The following TMIE variants were observed in gnomAD, a reference collection of about 807,000 sequenced individuals.
The protein encoded by TMIE is transmembrane inner ear, also known as transmembrane inner ear expressed protein.
Under a neutral mutation model 16.8 loss-of-function variants are expected in TMIE, and 14 were observed. The ratio of observed to expected loss-of-function variants is 0.83; its 90% CI spans 0.55 to 1.30. The LOEUF (loss-of-function observed/expected upper bound fraction) is 1.30. Ranked by LOEUF, TMIE falls within the 50% of genes most tolerant of loss-of-function variation. The pLI is 0.00. For missense variants in TMIE, 204 were observed against 205.9 expected (o/e 0.99, Z 0.06); for synonymous variants, 75 against 87.2 (o/e 0.86, Z 0.78).
chr3:46,699,057 CTTATTTTTT>C (rs1700439357), upstream of TMIE, among the ~76,000 whole-genome samples: 4 of 65,286 alleles, frequency 6.1e-5, no homozygotes, highest in Non-Finnish European at 9.8e-5. Flanking sequence ...AATGGTGTTT[CTTATTTTTT>C]TTTTTTTTTT....
At position 46,701,634 on chromosome 3, in the gene TMIE, C is replaced by A; in HGVS notation, c.93+54C>A. 8.1e-7 allele frequency: 1 copy of A among 1,237,562 alleles called. No individual in the cohort carries two copies. Among genetic ancestry groups the A allele is most frequent in the East Asian group, 3.2e-5 (1 of 31,564 alleles). 76.7% of individuals were successfully genotyped at this position (1,237,562 alleles called of 1,614,324 possible). ...AGGCTGTCACCCTCCAGGCAGGGGG[C>A]TGGGGGAGAGGGGACGCCTTTTTGA... On this transcript the variant is annotated intron_variant, in intron 1 of 3. Transcript: ENST00000643606. This position sits in a 1 kb window ranked among gnomAD's most constrained non-coding sequence, Gnocchi z 4.3.
intron 1 of TMIE, among the ~76,000 whole-genome samples, chr3:46,703,924 A>G (rs1386625012): frequency 6.6e-6 from 1 of 152,170 alleles, no homozygotes; most frequent in Non-Finnish European, 1.5e-5. Flanking sequence ...ATCAGTGCAC[A>G]ACATCTCGCT....
In TMIE at chr3:46,701,545, G is replaced by C. The variant is rs946521528; in HGVS notation, c.58G>C (p.Val20Leu). The change falls in exon 1 of 4, where the codon GTG becomes CTG. Residue 20 changes from valine (V) to leucine (L), a missense_variant. Transcript: ENST00000643606. This position sits in a 1 kb window ranked among gnomAD's most constrained non-coding sequence, Gnocchi z 4.3. ...LCVLGGAALG[V>L]CLAGVAGQLV... is the part of the protein sequence containing the mutation. The stretch of plus-strand genomic sequence containing the variant: ...CGTGCTGGGCGGCGCCGCACTCGGG[G>C]TGTGCCTCGCGGGGGTTGCCGGGCA... The C allele has an allele frequency of 1.3e-5, 17 of 1,295,544 alleles. No homozygotes were observed. Among genetic ancestry groups the C allele is most frequent in the Non-Finnish European group, 1.6e-5 (16 of 1,024,748 alleles). 80.3% of individuals were successfully genotyped at this position (1,295,544 alleles called of 1,614,324 possible).
chr3:46,706,740 C>T (rs1700557290), intron 2 of TMIE, among the ~76,000 whole-genome samples: 1 of 152,152 alleles, frequency 6.6e-6, no homozygotes, highest in South Asian at 2.1e-4. Flanking sequence ...GGAGGGAAGG[C>T]TGGAAAGGCA....
chr3:46,699,428 A>G (rs1055079631), upstream of TMIE, among the ~76,000 whole-genome samples: 9 of 152,138 alleles, frequency 5.9e-5, no homozygotes, highest in Admixed American at 3.3e-4. Context: ...AAAGCTTACA[A>G]CTGCACTGAG....
upstream of TMIE, among the ~76,000 whole-genome samples, chr3:46,694,369 G>C (rs113782648): frequency 0.015 from 2,237 of 152,276 alleles, 60 homozygotes; most frequent in African/African-American, 0.05. Flanking sequence ...GACCCCCCGG[G>C]AGCGGGAGGG....
At chr3:46,698,697 C>T (rs925546594), upstream of TMIE, among the ~76,000 whole-genome samples, 2 of 152,156 alleles carry the variant, frequency 1.3e-5, no homozygotes, top group Non-Finnish European at 2.9e-5. Flanking sequence ...CAGTTTTAAG[C>T]TTTAACAACT....
upstream of TMIE, chr3:46,701,343 G>A (rs1458736357): frequency 6.6e-6 from 4 of 601,710 alleles, no homozygotes; most frequent in Non-Finnish European, 7.9e-6. The surrounding 1 kb of genome is among the most constrained non-coding windows in gnomAD (Gnocchi z 4.3). Context: ...GGCGGCGCGG[G>A]AACCTGACAC....
Position 46,709,795 on chromosome 3 carries a change from A to C in TMIE, c.*107A>C. The C allele has an allele frequency of 6.3e-7, 1 of 1,579,248 alleles. No individual in the cohort carries two copies. The highest frequency in any genetic ancestry group is 2.3e-5 in the East Asian group (1 of 43,836). On this transcript the variant is annotated 3_prime_UTR_variant, in exon 4 of 4. Coordinates refer to ENST00000643606, the MANE Select transcript of TMIE (RefSeq NM_147196.3). Reference sequence around the variant, plus strand: ...TTTGGGGACCACAGAGGCTGTGGTCAGAGAGGGAAGCTGAGGCCCATGGCC... The same window carrying C: ...TTTGGGGACCACAGAGGCTGTGGTCCGAGAGGGAAGCTGAGGCCCATGGCC...
Position 46,709,850 on chromosome 3 carries a change from CCAGA to C in TMIE, c.*165_*168del, listed in dbSNP as rs1700599225. ...CCTCATGGCCCATCAGGGGCAGGAACCAGACAATCTCGTAGGTGTCCTGCCCCCC... is the reference window on the plus strand; with the variant it reads ...CCTCATGGCCCATCAGGGGCAGGAACCAATCTCGTAGGTGTCCTGCCCCCC... On this transcript the variant is annotated 3_prime_UTR_variant, in exon 4 of 4. Transcript: ENST00000643606. The C allele has an allele frequency of 7.0e-7, 1 of 1,436,076 alleles. No individual in the cohort carries two copies. Among genetic ancestry groups the C allele is most frequent in the African/African-American group, 1.4e-5 (1 of 70,394 alleles). 89.0% of individuals were successfully genotyped at this position (1,436,076 alleles called of 1,614,324 possible).
At chr3:46,707,482 G>A (rs1039854389) in intron 2 of TMIE, among the ~76,000 whole-genome samples, 1 of 152,186 alleles carries the variant, frequency 6.6e-6, no homozygotes, top group African/African-American at 2.4e-5. Context: ...CTCTCCTGGG[G>A]GGAAACATTT....
rs541835461 is a variant in TMIE at position 46,702,575 on chromosome 3, C to T, written c.93+995C>T. 8.1e-4 allele frequency among the ~76,000 whole-genome samples: 123 copies of T among 151,758 alleles called. 1 individual carries two copies. The highest frequency in any genetic ancestry group is 1.2e-3 in the Non-Finnish European group (83 of 67,924). ...GGGATGGAGGCTGTGCAGGCAGGGG[C>T]GGACCAGAGGGAGCAGGAAAACAGA... On this transcript the variant is annotated intron_variant, in intron 1 of 3. Transcript: ENST00000643606.
chr3:46,699,057 C>CTTT (rs1246748003), upstream of TMIE, among the ~76,000 whole-genome samples: 350 of 64,978 alleles, frequency 5.4e-3, 1 homozygote, highest in Middle Eastern at 9.4e-3. Context: ...AATGGTGTTT[C>CTTT]TTATTTTTTT....
At chr3:46,707,412 A>C (rs1461927084) in intron 2 of TMIE, among the ~76,000 whole-genome samples, 2 of 152,236 alleles carry the variant, frequency 1.3e-5, no homozygotes, top group African/African-American at 4.8e-5. Context: ...ACACCTGAGC[A>C]GCAGGCAGCA....
intron 1 of TMIE, among the ~76,000 whole-genome samples, chr3:46,695,027 G>C (rs928719629): frequency 6.6e-6 from 1 of 152,150 alleles, no homozygotes; most frequent in Non-Finnish European, 1.5e-5. Context: ...GAGGCTTCTG[G>C]TGAGGTGTCC....
chr3:46,704,528 G>A (rs1700523095), intron 1 of TMIE, among the ~76,000 whole-genome samples: 1 of 137,918 alleles, frequency 7.3e-6, no homozygotes, highest in South Asian at 2.4e-4. Flanking sequence ...CCCAGGGCAG[G>A]ACCGTGTCCC....
upstream of TMIE, chr3:46,701,214 G>T: frequency 4.7e-6 from 1 of 214,734 alleles, no homozygotes; most frequent in Non-Finnish European, 9.3e-6. This position sits in a 1 kb window ranked among gnomAD's most constrained non-coding sequence, Gnocchi z 4.3. Context: ...CCTCCCTCCC[G>T]CCCACCCCCA....
chr3:46,709,038 G>A, intron 2 of TMIE, 88 bp from the exon 3 acceptor site: 1 of 1,559,156 alleles, frequency 6.4e-7, no homozygotes, highest in Non-Finnish European at 8.8e-7. Context: ...CATGTGGGTG[G>A]ATGGGGGCGG....
intron 1 of TMIE, among the ~76,000 whole-genome samples, chr3:46,702,245 G>A (rs1446307409): frequency 6.6e-6 from 1 of 152,184 alleles, no homozygotes; most frequent in African/African-American, 2.4e-5. Flanking sequence ...GCTTTAGAAG[G>A]TTTCTGCTCA....
Sources: allele counts gnomAD v4.1 joint callset (sites outside exome capture counted in the v4.1 genomes callset), GRCh38; gene constraint gnomAD v4.1.1; non-coding constraint Gnocchi (gnomAD v3.1); transcripts MANE v1.5; gene names NCBI Gene and HGNC (gene_info 2026-07-23, HGNC 2026-07-21).